The following FUT9 variants were observed in gnomAD, a reference collection of about 807,000 sequenced individuals.
FUT9 encodes 4-galactosyl-N-acetylglucosaminide 3-alpha-L-fucosyltransferase 9.
Under a neutral mutation model 29.7 loss-of-function variants are expected in FUT9, and 15 were observed. That is an observed-to-expected ratio of 0.51 (90% CI 0.34 to 0.78). The LOEUF is 0.78. Among genes scored for constraint, FUT9 ranks in the 30% least tolerant of loss-of-function variants. The probability of loss-of-function intolerance (pLI) is 0.01; values close to 1 mark genes in which losing one functional copy is unlikely to be tolerated. For synonymous variants in FUT9, 169 were observed against 153.7 expected (o/e 1.10, Z -0.74); for missense variants, 319 against 425.4 (o/e 0.75, Z 2.20).
rs1393970187 is a variant in FUT9 at position 96,028,218 on chromosome 6, T to TATA, written c.-98+12007_-98+12009dup. Among the ~76,000 whole-genome samples the TATA allele has an allele frequency of 2.6e-5, 4 of 151,560 alleles. No individual in the cohort carries two copies. The East Asian group carries it at 7.8e-4, about 29-fold the overall frequency. On this transcript the variant is annotated intron_variant, in intron 1 of 2. Coordinates refer to ENST00000302103, the MANE Select transcript of FUT9 (RefSeq NM_006581.4). The stretch of plus-strand genomic sequence containing the variant: ...AGAAAAATAGAGACAAATATTTACC[T>TATA]ATATTATAATAGGGCTTCATGGAAA...
chr6:96,165,099 C>G (rs1391426408), intron 2 of FUT9, among the ~76,000 whole-genome samples: 1 of 152,148 alleles, frequency 6.6e-6, no homozygotes, highest in Non-Finnish European at 1.5e-5. Context: ...CTCAGATTCA[C>G]TAAATGATGA....
At chr6:96,152,585 A>G (rs1361188858) in intron 2 of FUT9, among the ~76,000 whole-genome samples, 1 of 152,202 alleles carries the variant, frequency 6.6e-6, no homozygotes, top group Non-Finnish European at 1.5e-5. Context: ...TTATAATTTT[A>G]TAAAATGTCC....
intron 2 of FUT9, among the ~76,000 whole-genome samples, chr6:96,138,483 CTTTT>C (rs58250483): frequency 2.8e-5 from 4 of 141,904 alleles, no homozygotes; most frequent in Admixed American, 7.1e-5. Flanking sequence ...GTGTTCCTTG[CTTTT>C]TTTTTTTTTT....
intron 2 of FUT9, among the ~76,000 whole-genome samples, chr6:96,160,601 G>T (rs895229162): frequency 6.6e-6 from 1 of 152,054 alleles, no homozygotes; most frequent in Non-Finnish European, 1.5e-5. Context: ...CCAACTTGAA[G>T]ATTCATTAAA....
At chr6:96,021,751 G>T (rs6938860) in intron 1 of FUT9, among the ~76,000 whole-genome samples, 1 of 151,926 alleles carries the variant, frequency 6.6e-6, no homozygotes, top group African/African-American at 2.4e-5. Flanking sequence ...TAAATAATAC[G>T]TATTACATGT....
At chr6:96,033,270 T>G (rs1325069) in intron 1 of FUT9, among the ~76,000 whole-genome samples, 66,426 of 151,396 alleles carry the variant, frequency 0.44, 14,632 homozygotes, top group Non-Finnish European at 0.46. Context: ...TTTCACTGAA[T>G]AAAGAGTAAT....
At chr6:96,052,467 C>T (rs978399327) in intron 1 of FUT9, among the ~76,000 whole-genome samples, 2 of 152,156 alleles carry the variant, frequency 1.3e-5, no homozygotes, top group Non-Finnish European at 2.9e-5. Flanking sequence ...TTGGAAAATG[C>T]ATCACAAGGT....
intron 1 of FUT9, among the ~76,000 whole-genome samples, chr6:96,050,547 G>A (rs1468407098): frequency 6.6e-6 from 1 of 152,188 alleles, no homozygotes; most frequent in Non-Finnish European, 1.5e-5. Flanking sequence ...AAACCACACA[G>A]TTGGATATCT....
At chr6:96,167,854 T>C (rs1306886525) in intron 2 of FUT9, among the ~76,000 whole-genome samples, 1 of 152,054 alleles carries the variant, frequency 6.6e-6, no homozygotes, top group Non-Finnish European at 1.5e-5. Flanking sequence ...GTGCTCAAGA[T>C]GCTACATGGA....
intron 2 of FUT9, among the ~76,000 whole-genome samples, chr6:96,160,263 G>C (rs1039937246): frequency 2.0e-5 from 3 of 152,146 alleles, no homozygotes; most frequent in African/African-American, 7.2e-5. Context: ...TGAAGAGTCA[G>C]GGGAAAGAGT....
intron 1 of FUT9, among the ~76,000 whole-genome samples, chr6:96,071,145 A>G (rs1562115827): frequency 6.6e-6 from 1 of 152,222 alleles, no homozygotes; most frequent in African/African-American, 2.4e-5. Flanking sequence ...AAGTAAAGAA[A>G]TTTCAGATGT....
At chr6:96,157,364 AT>A (rs1412889458) in intron 2 of FUT9, among the ~76,000 whole-genome samples, 1 of 152,126 alleles carries the variant, frequency 6.6e-6, no homozygotes, top group African/African-American at 2.4e-5. Context: ...AACTGTAAAG[AT>A]TCTCTGTCTT....
intron 1 of FUT9, among the ~76,000 whole-genome samples, chr6:96,026,605 T>A (rs1414396652): frequency 2.6e-5 from 4 of 151,662 alleles, no homozygotes; most frequent in African/African-American, 9.7e-5. Flanking sequence ...ATTTCTCCAA[T>A]GCTTTATAGT....
chr6:96,095,290 T>G (rs902309264), intron 1 of FUT9, among the ~76,000 whole-genome samples: 1 of 152,162 alleles, frequency 6.6e-6, no homozygotes, highest in Non-Finnish European at 1.5e-5. Context: ...CAATAATTAC[T>G]TATTATTATC....
At chr6:96,108,070 A>G (rs1771726342) in intron 1 of FUT9, among the ~76,000 whole-genome samples, 1 of 151,932 alleles carries the variant, frequency 6.6e-6, no homozygotes, top group Non-Finnish European at 1.5e-5. Flanking sequence ...TTGTTCCACA[A>G]TAAAAAGCTT....
At chr6:96,121,270 A>G (rs1053631612) in intron 2 of FUT9, among the ~76,000 whole-genome samples, 3 of 152,196 alleles carry the variant, frequency 2.0e-5, no homozygotes, top group Non-Finnish European at 2.9e-5. Flanking sequence ...CAACATGCAG[A>G]TATAAGCAGT....
intron 1 of FUT9, among the ~76,000 whole-genome samples, chr6:96,073,505 C>T (rs1279225959): frequency 6.6e-6 from 1 of 150,632 alleles, no homozygotes; most frequent in Non-Finnish European, 1.5e-5. Flanking sequence ...GATAAACATG[C>T]AACGCAAGTA....
chr6:96,151,285 G>A (rs1171200387), intron 2 of FUT9, among the ~76,000 whole-genome samples: 1 of 152,016 alleles, frequency 6.6e-6, no homozygotes, highest in Non-Finnish European at 1.5e-5. Flanking sequence ...CCATGGGCCA[G>A]GCCATTATAA....
rs150572234 is a variant in FUT9 at position 96,080,446 on chromosome 6, G to A, written c.-97-33593G>A. ...TGAAAGAAGAAAGAACTGAAGTGAA[G>A]CAAAGACGAAAATGTCTTTGCCTAC... On this transcript the variant is annotated intron_variant, in intron 1 of 2. Coordinates refer to ENST00000302103, the MANE Select transcript of FUT9 (RefSeq NM_006581.4). Among the ~76,000 whole-genome samples, 845 of 152,026 alleles carry A rather than the reference G, an allele frequency of 5.6e-3. 2 individuals are homozygous for A. The highest frequency in any genetic ancestry group is 0.01 in the Non-Finnish European group (679 of 67,826).
Sources: gnomAD v4.1 joint callset for allele counts (sites outside exome capture counted in the v4.1 genomes callset) on GRCh38, gnomAD v4.1.1 for gene constraint, MANE v1.5 for transcripts, NCBI Gene and HGNC (gene_info 2026-07-23, HGNC 2026-07-21) for gene names.